PALS2: variants seen among roughly 807,000 people sequenced by gnomAD.
PALS2 encodes protein associated with LIN7 2, MAGUK p55 family member.
Under a neutral mutation model 61.6 loss-of-function variants are expected in PALS2, and 27 were observed. The observed-to-expected ratio is 0.44, with a 90% confidence interval of 0.32 to 0.60. PALS2 has a LOEUF of 0.60. PALS2 is among the 20% of genes least tolerant of loss of function. PALS2 has a pLI of 0.05. For synonymous variants in PALS2, 236 were observed against 218.6 expected (o/e 1.08, Z -0.70); for missense variants, 554 against 639.4 (o/e 0.87, Z 1.44).
Position 24,573,757 on chromosome 7 carries a change from A to AGGC in PALS2, c.-3+178_-3+180dup, listed in dbSNP as rs1310044823. Among the ~76,000 whole-genome samples, 4,006 of 143,466 alleles carry AGGC rather than the reference A, an allele frequency of 0.028. 79 individuals carry two copies. The highest frequency in any genetic ancestry group is 0.042 in the Non-Finnish European group (2,691 of 64,682). The allele number at this position is 143,466 out of a possible 152,430, so 94.1% of individuals were successfully genotyped here. On this transcript the variant is annotated intron_variant, in intron 1 of 11. Transcript: ENST00000222644. The surrounding 1 kb of genome is among the most constrained non-coding windows in gnomAD (Gnocchi z 5.3). Reference sequence around the variant, plus strand: ...GCGGGCGCGGGGAAGAGGGACCGGCAGGCGGCGGCGGCGGCGCCGCGGTCG... The same window carrying AGGC: ...GCGGGCGCGGGGAAGAGGGACCGGCAGGCGGCGGCGGCGGCGGCGCCGCGGTCG...
chr7:24,656,813 T>C (rs994034145), intron 5 of PALS2, among the ~76,000 whole-genome samples: 1 of 152,190 alleles, frequency 6.6e-6, no homozygotes, highest in Non-Finnish European at 1.5e-5. Context: ...ATTACCGGCA[T>C]AAGCCATTGC....
chr7:24,647,671 G>A (rs1785913293), intron 3 of PALS2, among the ~76,000 whole-genome samples: 1 of 152,178 alleles, frequency 6.6e-6, no homozygotes, highest in Non-Finnish European at 1.5e-5. Flanking sequence ...TACTGAAGAG[G>A]CAGGAATGTA....
At chr7:24,647,113 T>TTTG (rs576530583) in intron 3 of PALS2, among the ~76,000 whole-genome samples, 9 of 151,794 alleles carry the variant, frequency 5.9e-5, no homozygotes, top group East Asian at 1.9e-4. Context: ...ATTCTGATTT[T>TTTG]TTGTTGTTGT....
At chr7:24,652,749 G>A (rs1056649319) in intron 5 of PALS2, among the ~76,000 whole-genome samples, 1 of 152,164 alleles carries the variant, frequency 6.6e-6, no homozygotes, top group African/African-American at 2.4e-5. Flanking sequence ...ACCATGTAGT[G>A]CTGTGGAGCT....
intron 2 of PALS2, 136 bp downstream of exon 2, chr7:24,623,920 A>G (rs1210483251): frequency 6.2e-6 from 6 of 961,578 alleles, no homozygotes; most frequent in Non-Finnish European, 9.3e-6. Context: ...TCAGCACATA[A>G]TGAAATCTTA....
intron 8 of PALS2, among the ~76,000 whole-genome samples, chr7:24,667,706 C>A (rs1787099607): frequency 7.4e-6 from 1 of 135,984 alleles, no homozygotes; most frequent in South Asian, 2.4e-4. Flanking sequence ...TGCTCTGTCA[C>A]CAGGCTGGAG....
chr7:24,692,051 G>T lies in PALS2; in HGVS notation c.*4437G>T, dbSNP rs554133635. On this transcript the variant is annotated 3_prime_UTR_variant, in exon 12 of 12. Transcript: ENST00000222644. ...AAGGTTATTTTTAAATTGCATTTTT[G>T]TTCTAACGTTTTGCAATTTATATTC... is the stretch of plus-strand genomic sequence containing the variant. 6.6e-6 allele frequency: 1 copy of T among 151,900 alleles called. No individual in the cohort carries two copies. The highest frequency in any genetic ancestry group is 1.5e-5 in the Non-Finnish European group (1 of 67,918). 9.4% of individuals were successfully genotyped at this position (151,900 alleles called of 1,614,324 possible). A position where few individuals can be genotyped will look rare whatever the true frequency, so the allele number is the denominator to read the frequency against.
At chr7:24,625,919 T>C (rs181025953) in intron 2 of PALS2, among the ~76,000 whole-genome samples, 86 of 151,930 alleles carry the variant, frequency 5.7e-4, no homozygotes, top group Admixed American at 2.3e-3. Context: ...AAAGAAATAG[T>C]AAGTCACAGC....
intron 2 of PALS2, among the ~76,000 whole-genome samples, chr7:24,629,969 A>G (rs1784925546): frequency 1.3e-5 from 2 of 152,218 alleles, no homozygotes. Context: ...CCAGCAATCC[A>G]TTATTGGGTA....
intron 2 of PALS2, among the ~76,000 whole-genome samples, chr7:24,639,022 C>G (rs1372475809): frequency 6.6e-6 from 1 of 152,072 alleles, no homozygotes; most frequent in Non-Finnish European, 1.5e-5. Flanking sequence ...GTCAAAGGGA[C>G]GAGTGGTATT....
At chr7:24,677,994 G>A (rs993870815) in intron 9 of PALS2, among the ~76,000 whole-genome samples, 22 of 152,040 alleles carry the variant, frequency 1.4e-4, no homozygotes, top group African/African-American at 4.6e-4. Flanking sequence ...CTTTTTATTC[G>A]GATTACTTTC....
chr7:24,631,747 G>A (rs1371401161), intron 2 of PALS2, among the ~76,000 whole-genome samples: 1 of 152,194 alleles, frequency 6.6e-6, no homozygotes, highest in Non-Finnish European at 1.5e-5. Flanking sequence ...TCAGTCAGCA[G>A]CCATCAGCAT....
chr7:24,621,929 A>T (rs1340868981), intron 1 of PALS2, among the ~76,000 whole-genome samples: 2 of 152,002 alleles, frequency 1.3e-5, no homozygotes, highest in East Asian at 3.8e-4. Flanking sequence ...CCAGCTGTTG[A>T]AAAAACTATT....
intron 1 of PALS2, among the ~76,000 whole-genome samples, chr7:24,583,777 C>T (rs541032994): frequency 6.6e-6 from 1 of 151,880 alleles, no homozygotes; most frequent in Non-Finnish European, 1.5e-5. Context: ...TGTCATCTAG[C>T]ATTAGGTATA....
chr7:24,623,156 A>C (rs1784591784), intron 1 of PALS2, among the ~76,000 whole-genome samples: 1 of 149,006 alleles, frequency 6.7e-6, no homozygotes, highest in Non-Finnish European at 1.5e-5. Context: ...GTATCAGGGT[A>C]ATTGGTCTCA....
intron 2 of PALS2, among the ~76,000 whole-genome samples, chr7:24,637,636 A>G (rs570199947): frequency 2.2e-4 from 34 of 152,370 alleles, no homozygotes; most frequent in Admixed American, 1.4e-3. Flanking sequence ...CCAGGTTTCT[A>G]CACATAACAA....
intron 1 of PALS2, among the ~76,000 whole-genome samples, chr7:24,595,826 A>G (rs1480061460): frequency 6.6e-6 from 1 of 151,578 alleles, no homozygotes; most frequent in Non-Finnish European, 1.5e-5. Flanking sequence ...TTACACTGTG[A>G]CAAAATGAAG....
At position 24,623,778 on chromosome 7, in the gene PALS2, T is replaced by A. The variant is rs757613288; in HGVS notation, c.111T>A (p.Leu37=). The change falls in exon 2 of 12, where the codon CTT becomes CTA. Residue 37 remains leucine (L), a synonymous_variant. Coordinates refer to ENST00000222644, the MANE Select transcript of PALS2 (RefSeq NM_001303037.2). ...GIMENPIVKS[L]AKAHERLEDS... The stretch of plus-strand genomic sequence containing the variant: ...TGGAGAATCCTATTGTAAAATCACT[T>A]GCTAAGGTATATAGATTTATTCATA... 1.9e-6 allele frequency: 3 copies of A among 1,538,696 alleles called. No homozygotes were observed. In the Admixed American group the frequency reaches 5.5e-5, roughly 28 times the overall value.
intron 9 of PALS2, chr7:24,674,398 C>T (rs1787456349): frequency 6.5e-6 from 1 of 153,282 alleles, no homozygotes; most frequent in African/African-American, 2.4e-5. Context: ...TATGATTCAG[C>T]TCTTCAGTGC....
Sources: allele counts gnomAD v4.1 joint callset (sites outside exome capture counted in the v4.1 genomes callset), GRCh38; gene constraint gnomAD v4.1.1; non-coding constraint Gnocchi (gnomAD v3.1); transcripts MANE v1.5; gene names NCBI Gene and HGNC (gene_info 2026-07-23, HGNC 2026-07-21).